PIK3R6: variants seen among roughly 807,000 people sequenced by gnomAD.
The protein encoded by PIK3R6 is phosphoinositide-3-kinase regulatory subunit 6.
A neutral mutation model predicts 84.9 loss-of-function variants in PIK3R6; 91 were observed. The observed-to-expected ratio is 1.07, with a 90% CI of 0.90 to 1.28. PIK3R6 has a LOEUF of 1.28. PIK3R6 is among the 50% of genes most tolerant of loss of function. PIK3R6 has a pLI of 0.00. For missense variants in PIK3R6, 996 were observed against 985.1 expected, an observed-to-expected ratio of 1.01 and a Z score of -0.15; for synonymous variants, 416 against 411.4, an observed-to-expected ratio of 1.01 and a Z score of -0.13.
intron 18 of PIK3R6, among the ~76,000 whole-genome samples, chr17:8,817,915 T>C (rs1186811016): frequency 6.6e-6 from 1 of 151,700 alleles, no homozygotes; most frequent in East Asian, 1.9e-4. Context: ...GTTGTTTTTT[T>C]TTTTTTCCTT....
intron 17 of PIK3R6, among the ~76,000 whole-genome samples, chr17:8,820,770 TG>T (rs1368639779): frequency 6.6e-6 from 1 of 152,168 alleles, no homozygotes; most frequent in Admixed American, 6.5e-5. Flanking sequence ...TGAACACAAA[TG>T]CATTATTGTC....
At chr17:8,841,690 C>T (rs537708890) in intron 2 of PIK3R6, among the ~76,000 whole-genome samples, 4 of 150,254 alleles carry the variant, frequency 2.7e-5, no homozygotes, top group South Asian at 2.1e-4. Flanking sequence ...AACAGTGGTA[C>T]GTTGACATGG....
intron 4 of PIK3R6, among the ~76,000 whole-genome samples, chr17:8,838,132 T>G (rs1273300835): frequency 1.3e-5 from 2 of 151,018 alleles, no homozygotes; most frequent in Non-Finnish European, 1.5e-5. Context: ...AGGGTAGGAG[T>G]CGCAGCAAAG....
intron 1 of PIK3R6, among the ~76,000 whole-genome samples, chr17:8,852,514 C>T (rs9915634): frequency 0.034 from 5,094 of 151,934 alleles, 266 homozygotes; most frequent in African/African-American, 0.12. Flanking sequence ...CCGAGGTGGG[C>T]GGATCATGAG....
At chr17:8,816,028 A>G (rs1201698346) in intron 18 of PIK3R6, among the ~76,000 whole-genome samples, 1 of 152,068 alleles carries the variant, frequency 6.6e-6, no homozygotes, top group Non-Finnish European at 1.5e-5. Flanking sequence ...TAGAAGGAAA[A>G]TTTTTCCACC....
At chr17:8,840,075 T>C (rs1173110711) in intron 2 of PIK3R6, among the ~76,000 whole-genome samples, 1 of 151,528 alleles carries the variant, frequency 6.6e-6, no homozygotes, top group Non-Finnish European at 1.5e-5. Flanking sequence ...AACATATATA[T>C]GAAATATATA....
At position 8,852,516 on chromosome 17, in the gene PIK3R6, G is replaced by A. The variant is rs938122258; in HGVS notation, c.-91-2631C>T. 4.6e-5 allele frequency among the ~76,000 whole-genome samples: 7 copies of A among 152,106 alleles called. No homozygotes were observed. In the East Asian group the frequency reaches 5.8e-4, roughly 13 times the overall value. ...GCACTTGGGGAGGCCGAGGTGGGCG[G>A]ATCATGAGGTCAAGAGTTCGAGACC... On this transcript the variant is annotated intron_variant, in intron 1 of 19. Transcript: ENST00000619866.
At chr17:8,814,215 CT>C (rs112750429) in intron 18 of PIK3R6, among the ~76,000 whole-genome samples, 17,680 of 84,864 alleles carry the variant, frequency 0.21, 1,204 homozygotes, top group African/African-American at 0.27. Flanking sequence ...AGAGAGAGAT[CT>C]TTTTTTTTTT....
chr17:8,832,624 G>C (rs112818801), intron 9 of PIK3R6, among the ~76,000 whole-genome samples: 1 of 149,718 alleles, frequency 6.7e-6, no homozygotes, highest in Non-Finnish European at 1.5e-5. Flanking sequence ...GGCTGGTCTC[G>C]AAACCCTGAC....
At position 8,804,088 on chromosome 17, in the gene PIK3R6, T is replaced by C. The variant is rs779635029; in HGVS notation, c.2061A>G (p.Thr687=). 4 of 1,614,022 alleles carry C rather than the reference T, an allele frequency of 2.5e-6. No homozygotes were observed. The East Asian group carries it at 6.7e-5, about 27-fold the overall frequency. Residue 687 remains threonine, a synonymous_variant, in exon 19 of 20, where the codon ACA becomes ACG. Transcript: ENST00000619866. ...GTTGATCGTCCTTGTCCAGCGACAGTGTCAGCAGCCTCTGGTCCCGGCTCT... is the reference window on the plus strand; with the variant it reads ...GTTGATCGTCCTTGTCCAGCGACAGCGTCAGCAGCCTCTGGTCCCGGCTCT... ...QIQSRDQRLL[T]LSLDKDDQRT... is the part of the protein sequence containing the mutation.
At chr17:8,834,550 A>AT (rs35964462) in intron 8 of PIK3R6, among the ~76,000 whole-genome samples, 50,318 of 146,374 alleles carry the variant, frequency 0.34, 8,492 homozygotes, top group African/African-American at 0.37. Context: ...TGCGTCTGGT[A>AT]TTTTTTTTTT....
At chr17:8,814,275 A>C (rs1490525272) in intron 18 of PIK3R6, among the ~76,000 whole-genome samples, 1 of 134,726 alleles carries the variant, frequency 7.4e-6, no homozygotes, top group Non-Finnish European at 1.5e-5. Context: ...GCTGGTGTGC[A>C]ATGGCGTGAT....
rs765133701 is a variant in PIK3R6 at position 8,849,765 on chromosome 17, C to A, written c.13+17G>T. The A allele has an allele frequency of 3.7e-6, 6 of 1,610,130 alleles. No homozygotes were observed. In the South Asian group the frequency reaches 5.5e-5, roughly 15 times the overall value. On this transcript the variant is annotated intron_variant, in intron 2 of 19. Coordinates refer to ENST00000619866, the MANE Select transcript of PIK3R6 (RefSeq NM_001010855.4). ...GGCAGCAGGCTCACTAGACCCCTTT[C>A]CCCCCACCACACTGACCTGAGCTCT...
intron 18 of PIK3R6, among the ~76,000 whole-genome samples, chr17:8,818,014 G>A (rs2087600244): frequency 6.6e-6 from 1 of 151,692 alleles, no homozygotes; most frequent in Non-Finnish European, 1.5e-5. Context: ...GCTGGGGAAA[G>A]AGAACTGCAA....
rs1054604153 is a variant in PIK3R6 at position 8,862,176 on chromosome 17, C to T, written c.-92+5353G>A. ...GTCCCCTGCAGGTAAGGGGACTACG[C>T]TATTGCATTTGTTTATTATCTGGCT... On this transcript the variant is annotated intron_variant, in intron 1 of 19. Transcript: ENST00000619866. This position sits in a 1 kb window ranked among gnomAD's most constrained non-coding sequence, Gnocchi z 4.3. 9.2e-5 allele frequency among the ~76,000 whole-genome samples: 14 copies of T among 152,104 alleles called. No individual in the cohort carries two copies. Among genetic ancestry groups the T allele is most frequent in the Admixed American group, 2.6e-4 (4 of 15,266 alleles).
rs116721783 is a variant in PIK3R6 at position 8,865,755 on chromosome 17, G to T, written c.-92+1774C>A. Among the ~76,000 whole-genome samples the T allele has an allele frequency of 6.4e-3, 971 of 152,096 alleles. 7 individuals are homozygous for T. Among genetic ancestry groups the T allele is most frequent in the African/African-American group, 0.022 (932 of 41,468 alleles). On this transcript the variant is annotated intron_variant, in intron 1 of 19. Transcript: ENST00000619866. Reference sequence around the variant, plus strand: ...GAGGTCTACTTCTCAGATTCCCAAGGAGCCGGGAGGTGAGGGTCCTGCTGC... The same window carrying T: ...GAGGTCTACTTCTCAGATTCCCAAGTAGCCGGGAGGTGAGGGTCCTGCTGC...
intron 18 of PIK3R6, among the ~76,000 whole-genome samples, chr17:8,815,881 T>C (rs1174262033): frequency 2.6e-5 from 4 of 152,236 alleles, no homozygotes; most frequent in Admixed American, 2.0e-4. Context: ...TACAAGCCCA[T>C]CCAGATGTGA....
At chr17:8,850,757 T>G (rs183860059) in intron 1 of PIK3R6, among the ~76,000 whole-genome samples, 3 of 152,146 alleles carry the variant, frequency 2.0e-5, no homozygotes, top group African/African-American at 7.2e-5. Flanking sequence ...TAAAAAGAGA[T>G]AACGAAGAGA....
intron 9 of PIK3R6, among the ~76,000 whole-genome samples, chr17:8,831,605 C>T (rs560323064): frequency 5.9e-5 from 9 of 152,150 alleles, no homozygotes; most frequent in Non-Finnish European, 1.2e-4. Flanking sequence ...AGTCTTTAGG[C>T]AGGGACTATC....
Sources: allele counts gnomAD v4.1 joint callset (sites outside exome capture counted in the v4.1 genomes callset), GRCh38; gene constraint gnomAD v4.1.1; non-coding constraint Gnocchi (gnomAD v3.1); transcripts MANE v1.5; gene names NCBI Gene and HGNC (gene_info 2026-07-23, HGNC 2026-07-21).